LIMA1: variants seen among roughly 807,000 people sequenced by gnomAD.
The protein encoded by LIMA1 is LIM domain and actin-binding protein 1.
Under a neutral mutation model 62.6 loss-of-function variants are expected in LIMA1, and 52 were observed. That is an observed-to-expected ratio of 0.83 (90% CI 0.67 to 1.05). The LOEUF (loss-of-function observed/expected upper bound fraction) is 1.05, where lower values mean the gene tolerates loss of function less well. Among genes scored for constraint, LIMA1 ranks in the 50% least tolerant of loss-of-function variants. The pLI is 0.00. For missense variants in LIMA1, 780 were observed against 902.2 expected, an observed-to-expected ratio of 0.86 and a Z score of 1.74; for synonymous variants, 302 against 317.8, an observed-to-expected ratio of 0.95 and a Z score of 0.53.
intron 1 of LIMA1, among the ~76,000 whole-genome samples, chr12:50,267,823 A>AT (rs947410519): frequency 3.3e-5 from 5 of 151,302 alleles, no homozygotes; most frequent in Non-Finnish European, 7.4e-5. Flanking sequence ...CAGCCTGCCT[A>AT]TTTTTTCTTT....
chr12:50,254,042 A>AG (rs1941962944), intron 1 of LIMA1, among the ~76,000 whole-genome samples: 2 of 151,224 alleles, frequency 1.3e-5, no homozygotes, highest in East Asian at 3.9e-4. Flanking sequence ...AAAAAAAAAA[A>AG]AAAAAGAAAG....
chr12:50,268,057 G>A (rs1159088543), intron 1 of LIMA1, among the ~76,000 whole-genome samples: 3 of 151,998 alleles, frequency 2.0e-5, no homozygotes, highest in African/African-American at 4.8e-5. Context: ...GTAACTCCTT[G>A]TACAATTGGA....
At chr12:50,228,576 T>TC (rs1941565859) in intron 3 of LIMA1, among the ~76,000 whole-genome samples, 1 of 152,130 alleles carries the variant, frequency 6.6e-6, no homozygotes, top group Non-Finnish European at 1.5e-5. Flanking sequence ...TGAGACCACT[T>TC]CTCTGTCTAC....
chr12:50,186,975 C>T (rs537426841), intron 9 of LIMA1: 4 of 152,126 alleles, frequency 2.6e-5, no homozygotes, highest in Non-Finnish European at 5.9e-5. Flanking sequence ...ATTAATCCCA[C>T]GACAGCAATT....
intron 2 of LIMA1, among the ~76,000 whole-genome samples, chr12:50,243,777 A>C (rs1033665858): frequency 3.3e-5 from 5 of 152,216 alleles, no homozygotes; most frequent in African/African-American, 1.2e-4. Context: ...CAGAAGAAAA[A>C]TATGTGACAG....
intron 7 of LIMA1, among the ~76,000 whole-genome samples, chr12:50,196,541 A>C (rs1940934338): frequency 1.3e-5 from 2 of 152,194 alleles, no homozygotes. Context: ...ATTTAAATAA[A>C]AGAACTCTCT....
At chr12:50,228,766 C>T (rs781352817) in intron 3 of LIMA1, among the ~76,000 whole-genome samples, 2 of 152,202 alleles carry the variant, frequency 1.3e-5, no homozygotes, top group Non-Finnish European at 2.9e-5. Context: ...TTTACATGTG[C>T]AAAACTGAGC....
At chr12:50,244,810 A>G (rs1941825272) in intron 2 of LIMA1, among the ~76,000 whole-genome samples, 1 of 152,174 alleles carries the variant, frequency 6.6e-6, no homozygotes, top group Admixed American at 6.6e-5. Flanking sequence ...GCTGGGCTGG[A>G]CAATGACAGA....
At chr12:50,263,832 GAGTA>G (rs1425100403) in intron 1 of LIMA1, among the ~76,000 whole-genome samples, 20 of 113,610 alleles carry the variant, frequency 1.8e-4, no homozygotes, top group Non-Finnish European at 2.4e-4. Context: ...TATATAGAGA[GAGTA>G]TATATATATA....
At position 50,206,115 on chromosome 12, in the gene LIMA1, T is replaced by C. The variant is rs1439914617; in HGVS notation, c.631-47A>G. On this transcript the variant is annotated intron_variant, in intron 4 of 10. Coordinates refer to ENST00000341247, the MANE Select transcript of LIMA1 (RefSeq NM_016357.5). ...TAAGTTTTGCAGAAACAATGGGAAA[T>C]CTTGACGCAAGGTTCAACTTGCAAA... 6.0e-6 allele frequency: 9 copies of C among 1,496,202 alleles called. No homozygotes were observed. The African/African-American group carries it at 9.6e-5, about 16-fold the overall frequency. The allele number at this position is 1,496,202 out of a possible 1,614,324, so 92.7% of individuals were successfully genotyped here. A position where few individuals can be genotyped will look rare whatever the true frequency, so the allele number is the denominator to read the frequency against.
intron 1 of LIMA1, among the ~76,000 whole-genome samples, chr12:50,262,632 A>G (rs200451321): frequency 2.9e-5 from 4 of 136,948 alleles, no homozygotes; most frequent in South Asian, 2.3e-4. Flanking sequence ...GTAAAATAAA[A>G]TAAAATAAAA....
rs117954649 is a variant in LIMA1, at chr12:50,181,828, C to T, written c.1274+76G>A. The T allele has an allele frequency of 3.3e-4, 494 of 1,499,972 alleles. 7 individuals are homozygous for T. In the East Asian group the frequency reaches 0.011, roughly 34 times the overall value. The allele number at this position is 1,499,972 out of a possible 1,614,324, so 92.9% of individuals were successfully genotyped here. ...ATATCATTAGCACAGTAGCTTTTAG[C>T]ACCAGTGCTCTAAAAGCCAAAGACT... On this transcript the variant is annotated intron_variant, in intron 10 of 10. Coordinates refer to ENST00000341247, the MANE Select transcript of LIMA1 (RefSeq NM_016357.5).
At chr12:50,261,368 A>G (rs752888027) in intron 1 of LIMA1, among the ~76,000 whole-genome samples, 2 of 152,048 alleles carry the variant, frequency 1.3e-5, no homozygotes, top group African/African-American at 2.4e-5. Flanking sequence ...AAGGAACTCT[A>G]TAAATGCAGC....
intron 2 of LIMA1, among the ~76,000 whole-genome samples, chr12:50,246,381 G>A (rs1285148090): frequency 6.6e-6 from 1 of 152,086 alleles, no homozygotes; most frequent in Non-Finnish European, 1.5e-5. Flanking sequence ...TTTCTGTGCA[G>A]GACAGGGAGT....
chr12:50,197,376 CT>C (rs764758575), intron 7 of LIMA1, among the ~76,000 whole-genome samples: 377 of 143,772 alleles, frequency 2.6e-3, no homozygotes, highest in Middle Eastern at 7.1e-3. Context: ...GGCACATGTC[CT>C]TTTTTTTTTT....
intron 9 of LIMA1, chr12:50,182,256 G>C: frequency 2.7e-6 from 1 of 368,682 alleles, no homozygotes; most frequent in Non-Finnish European, 5.1e-6. Context: ...AAATGTAGCA[G>C]CCACCAAGGA....
At chr12:50,189,872 C>T (rs2138414790) in intron 9 of LIMA1, 1 of 152,014 alleles carries the variant, frequency 6.6e-6, no homozygotes, top group African/African-American at 2.4e-5. Flanking sequence ...CCATCATGCT[C>T]AGCTAATTTT....
At chr12:50,244,873 C>CT (rs1395344038) in intron 2 of LIMA1, among the ~76,000 whole-genome samples, 1 of 152,104 alleles carries the variant, frequency 6.6e-6, no homozygotes, top group African/African-American at 2.4e-5. Context: ...ACTGAAGTGA[C>CT]TGAGCTGGGC....
At chr12:50,192,599 T>C (rs1940803502) in intron 8 of LIMA1, 38 bp from the exon 9 acceptor site, 19 of 1,459,416 alleles carry the variant, frequency 1.3e-5, no homozygotes, top group Non-Finnish European at 1.8e-5. Context: ...TTACAGTATC[T>C]CATGGAATGT....
Sources: allele counts gnomAD v4.1 joint callset (sites outside exome capture counted in the v4.1 genomes callset), GRCh38; gene constraint gnomAD v4.1.1; transcripts MANE v1.5; gene names NCBI Gene and HGNC (gene_info 2026-07-23, HGNC 2026-07-21).